The following LSG1 variants were observed in gnomAD, a reference collection of about 807,000 sequenced individuals.
LSG1 encodes the protein large 60S subunit nuclear export GTPase 1.
Under a neutral mutation model 82.6 loss-of-function variants are expected in LSG1, and 55 were observed. That is an observed-to-expected ratio of 0.67 (90% CI 0.54 to 0.83). The LOEUF is 0.83. LSG1 is among the 40% of genes least tolerant of loss of function. The pLI is 0.00. For synonymous variants in LSG1, 272 were observed against 282.5 expected (o/e 0.96, Z 0.37); for missense variants, 809 against 807.9 (o/e 1.00, Z -0.02).
In LSG1 at chr3:194,666,203, C is replaced by G. The variant is rs375726683; in HGVS notation, c.434G>C (p.Arg145Pro). The G allele has an allele frequency of 5.6e-6, 9 of 1,612,828 alleles. No individual in the cohort carries two copies. In the African/African-American group the frequency reaches 1.1e-4, roughly 19 times the overall value. ...NFLEWRRQLVRLEEEQKLILT... is the reference protein window; with the variant it reads ...NFLEWRRQLVPLEEEQKLILT... ...TCTTCATAGAGTCTATAATACTCAC[C>G]GGACAAGCTGACGTCTCCATTCTAG... Residue 145 changes from arginine (R) to proline (P), a missense_variant and splice_region_variant, in exon 4 of 14, where the codon CGG (arginine) becomes CCG (proline). Transcript: ENST00000265245.
chr3:194,669,942 C>T (rs1719109842), intron 2 of LSG1, 67 bp downstream of exon 2: 4 of 1,554,098 alleles, frequency 2.6e-6, no homozygotes, highest in Admixed American at 4.0e-5. Flanking sequence ...AAACAAAAAA[C>T]AAAAAAAACC....
chr3:194,654,033 T>A (rs1018178929), intron 7 of LSG1, among the ~76,000 whole-genome samples: 1 of 152,102 alleles, frequency 6.6e-6, no homozygotes, highest in African/African-American at 2.4e-5. Flanking sequence ...ACATTTAACA[T>A]ACTCCTCTCT....
intron 6 of LSG1, 63 bp downstream of exon 6, chr3:194,660,010 G>A: frequency 7.4e-7 from 1 of 1,353,036 alleles, no homozygotes; most frequent in Non-Finnish European, 1.1e-6. Context: ...CATTGCTGAG[G>A]GATGCGGTGC....
intron 13 of LSG1, among the ~76,000 whole-genome samples, chr3:194,643,320 G>A (rs934856608): frequency 6.6e-6 from 1 of 152,034 alleles, no homozygotes; most frequent in Non-Finnish European, 1.5e-5. Context: ...TGACTAAATG[G>A]GTGCAAATAT....
chr3:194,645,686 T>G (rs540471285), intron 12 of LSG1, among the ~76,000 whole-genome samples: 1 of 152,094 alleles, frequency 6.6e-6, no homozygotes, highest in Non-Finnish European at 1.5e-5. Flanking sequence ...CATTTTACTA[T>G]GGGGAAACCC....
intron 8 of LSG1, 141 bp downstream of exon 8, chr3:194,652,588 C>T (rs1718697333): frequency 2.3e-6 from 2 of 864,152 alleles, no homozygotes; most frequent in Non-Finnish European, 3.6e-6. Context: ...CTGCCTAATC[C>T]CGTGATGCCA....
At chr3:194,653,357 A>G (rs9836537) in intron 7 of LSG1, among the ~76,000 whole-genome samples, 1 of 151,642 alleles carries the variant, frequency 6.6e-6, no homozygotes, top group African/African-American at 2.4e-5. Flanking sequence ...TCTACTAAAA[A>G]TACAAAAATT....
chr3:194,666,424 T>G (rs755626272), intron 3 of LSG1, 28 bp downstream of exon 3: 4 of 1,609,638 alleles, frequency 2.5e-6, no homozygotes, highest in Non-Finnish European at 2.5e-6. Context: ...GGATGTTTTG[T>G]GGCATTCTAA....
intron 6 of LSG1, 87 bp downstream of exon 6, chr3:194,659,986 T>C: frequency 2.6e-6 from 3 of 1,166,046 alleles, no homozygotes; most frequent in Non-Finnish European, 3.9e-6. Flanking sequence ...GAGGGCAGAA[T>C]GTATGCCTAC....
chr3:194,645,587 C>CACACACACACAG lies in LSG1; in HGVS notation c.1623+576_1623+577insCTGTGTGTGTGT, dbSNP rs1718530542. Among the ~76,000 whole-genome samples the CACACACACACAG allele has an allele frequency of 5.4e-5, 5 of 92,286 alleles. 1 individual carries two copies. Among genetic ancestry groups the CACACACACACAG allele is most frequent in the African/African-American group, 2.4e-4 (5 of 20,686 alleles). The allele number at this position is 92,286 out of a possible 152,430, so 60.5% of individuals were successfully genotyped here. A position where few individuals can be genotyped will look rare whatever the true frequency, so the allele number is the denominator to read the frequency against. On this transcript the variant is annotated intron_variant, in intron 12 of 13. Transcript: ENST00000265245. The stretch of plus-strand genomic sequence containing the variant: ...ACACACACAGACAGACACACACACA[C>CACACACACACAG]ACACACACACACACACACACACACA...
chr3:194,666,228 G>C lies in LSG1; in HGVS notation c.409C>G (p.Leu137Val). 1.2e-6 allele frequency: 2 copies of C among 1,614,100 alleles called. No homozygotes were observed. Among genetic ancestry groups the C allele is most frequent in the African/African-American group, 1.3e-5 (1 of 75,044 alleles). ...ELKQAEKDNFLEWRRQLVRLE... is the reference protein window; with the variant it reads ...ELKQAEKDNFVEWRRQLVRLE... ...CGGACAAGCTGACGTCTCCATTCTA[G>C]AAAGTTATCTTTCTCTGCTTGTTTG... The change falls in exon 4 of 14, where the codon CTA becomes GTA. Residue 137 changes from leucine to valine, a missense_variant. Coordinates refer to ENST00000265245, the MANE Select transcript of LSG1 (RefSeq NM_018385.3).
chr3:194,660,658 G>A, intron 5 of LSG1: 1 of 311,024 alleles, frequency 3.2e-6, no homozygotes. Context: ...TAAGAAGGAA[G>A]AAAGCATATT....
chr3:194,662,154 G>A lies in LSG1; in HGVS notation c.522-2021C>T, dbSNP rs139814265. Reference sequence around the variant, plus strand: ...TCTCTCCAGGGCAAGAACGAGGCCCGCGCCCGTAATCCATCTGAACAGTGA... The same window carrying A: ...TCTCTCCAGGGCAAGAACGAGGCCCACGCCCGTAATCCATCTGAACAGTGA... On this transcript the variant is annotated intron_variant, in intron 5 of 13. Transcript: ENST00000265245. Among the ~76,000 whole-genome samples, 45 of 152,334 alleles carry A rather than the reference G, an allele frequency of 3.0e-4. No individual in the cohort carries two copies. The East Asian group carries it at 5.8e-3, about 20-fold the overall frequency.
chr3:194,645,511 C>CACACACACACACACACACACACACAG (rs1560219503), intron 12 of LSG1: 1 of 43,228 alleles, frequency 2.3e-5, no homozygotes, highest in Non-Finnish European at 5.5e-5. Flanking sequence ...CACACACACA[C>CACACACACACACACACACACACACAG]ACACACACAC....
intron 2 of LSG1, 92 bp from the exon 3 acceptor site, chr3:194,666,664 G>GA (rs1719037066): frequency 9.8e-7 from 1 of 1,023,074 alleles, no homozygotes; most frequent in East Asian, 2.4e-5. Flanking sequence ...CTAAAAATGA[G>GA]AGCCTAAGAG....
In LSG1 at chr3:194,666,582, T is replaced by C; in HGVS notation, c.227-10A>G. On this transcript the variant is annotated splice_polypyrimidine_tract_variant and intron_variant, in intron 2 of 13. Coordinates refer to ENST00000265245, the MANE Select transcript of LSG1 (RefSeq NM_018385.3). ...TTAATATTAAGTTTCTCTGTTCAAA[T>C]AAAGAAAAGTACTATTACTTAAGAG... is the stretch of plus-strand genomic sequence containing the variant. 6.2e-7 allele frequency: 1 copy of C among 1,605,272 alleles called. No homozygotes were observed. The highest frequency in any genetic ancestry group is 8.5e-7 in the Non-Finnish European group (1 of 1,174,398).
At position 194,644,578 on chromosome 3, in the gene LSG1, G is replaced by A; in HGVS notation, c.1792C>T (p.His598Tyr). The A allele has an allele frequency of 6.2e-7, 1 of 1,609,092 alleles. No individual in the cohort carries two copies. Among genetic ancestry groups the A allele is most frequent in the Non-Finnish European group, 8.5e-7 (1 of 1,178,326 alleles). The change falls in exon 13 of 14, where the codon CAT (histidine) becomes TAT (tyrosine). Residue 598 changes from histidine (H) to tyrosine (Y), a missense_variant. Transcript: ENST00000265245. ...AGAAAAGCTTTAAAACTTACTTGAT[G>A]GAAAAAAGTTTTGTCAACGATATTT... ...IENIVDKTFF[H>Y]QENVRALTKG...
rs879924796 is a variant in LSG1 at position 194,664,759 on chromosome 3, C to CA, written c.521+797dup. Among the ~76,000 whole-genome samples the CA allele has an allele frequency of 4.9e-3, 712 of 144,312 alleles. 4 individuals carry two copies. The highest frequency in any genetic ancestry group is 0.014 in the East Asian group (70 of 5,014). 94.7% of individuals were successfully genotyped at this position (144,312 alleles called of 152,430 possible). On this transcript the variant is annotated intron_variant, in intron 5 of 13. Transcript: ENST00000265245. ...TGAAACCCTGTCTCTACTAAAAATA[C>CA]AAAAAAAAAAATTAGCTGGGCGTGG...
At chr3:194,644,522 G>A (rs759515332) in intron 13 of LSG1, 51 bp downstream of exon 13, 1 of 1,457,754 alleles carries the variant, frequency 6.9e-7, no homozygotes, top group East Asian at 2.3e-5. Flanking sequence ...CAATAAAGCT[G>A]TTATAAAAAG....
Sources: allele counts gnomAD v4.1 joint callset (sites outside exome capture counted in the v4.1 genomes callset), GRCh38; gene constraint gnomAD v4.1.1; transcripts MANE v1.5; gene names NCBI Gene and HGNC (gene_info 2026-07-23, HGNC 2026-07-21).